Variants in MAF observed in about 807,000 individuals in gnomAD.
MAF encodes the protein transcription factor Maf.
Under a neutral mutation model 22.0 loss-of-function variants are expected in MAF, and 10 were observed. The observed-to-expected ratio is 0.45, with a 90% CI of 0.28 to 0.77. The LOEUF is 0.77. Among genes scored for constraint, MAF ranks in the 30% least tolerant of loss-of-function variants. The probability of loss-of-function intolerance (pLI) is 0.12; values close to 1 mark genes in which losing one functional copy is unlikely to be tolerated. For missense variants in MAF, 544 were observed against 548.4 expected (o/e 0.99, Z 0.08); for synonymous variants, 337 against 255.8 (o/e 1.32, Z -3.03).
the MAF span, among the ~76,000 whole-genome samples, chr16:79,502,530 G>A: frequency 6.6e-6 from 1 of 151,410 alleles, no homozygotes; most frequent in Non-Finnish European, 1.5e-5. Flanking sequence ...GCTGAGCGTG[G>A]TGGTGCACAC....
the MAF span, among the ~76,000 whole-genome samples, chr16:79,438,907 G>A: frequency 4.6e-5 from 7 of 152,196 alleles, no homozygotes; most frequent in African/African-American, 1.7e-4. Context: ...GTCCAGGGAG[G>A]TAGGTAGAAT....
the MAF span, among the ~76,000 whole-genome samples, chr16:79,475,751 G>A: frequency 2.0e-5 from 3 of 152,144 alleles, no homozygotes; most frequent in African/African-American, 7.2e-5. Flanking sequence ...AAGTGGGGGT[G>A]TGGAGTGAAG....
the MAF span, among the ~76,000 whole-genome samples, chr16:79,277,658 C>A: frequency 6.6e-6 from 1 of 152,196 alleles, no homozygotes; most frequent in African/African-American, 2.4e-5. Flanking sequence ...AGGAATTGTA[C>A]AGACACTAGT....
At chr16:79,286,162 TCTTTTAAAATA>T in the MAF span, among the ~76,000 whole-genome samples, 133 of 152,376 alleles carry the variant, frequency 8.7e-4, no homozygotes, top group African/African-American at 2.7e-3. Flanking sequence ...AGCTGGTTTT[TCTTTTAAAATA>T]CTTTTAAAAT....
chr16:79,220,443 T>A, the MAF span, among the ~76,000 whole-genome samples: 1 of 152,044 alleles, frequency 6.6e-6, no homozygotes, highest in African/African-American at 2.4e-5. Flanking sequence ...TTTATATAGT[T>A]GTGATTATAT....
the MAF span, among the ~76,000 whole-genome samples, chr16:79,346,025 G>A: frequency 5.3e-5 from 8 of 151,976 alleles, no homozygotes; most frequent in South Asian, 2.1e-4. Flanking sequence ...TTCTCCGATA[G>A]GGCTCATTCT....
the MAF span, among the ~76,000 whole-genome samples, chr16:79,348,717 G>A: frequency 6.6e-6 from 1 of 152,208 alleles, no homozygotes; most frequent in Non-Finnish European, 1.5e-5. Flanking sequence ...GGGTTTCAGG[G>A]ATAACTGATT....
chr16:79,279,173 G>A, the MAF span, among the ~76,000 whole-genome samples: 4 of 152,072 alleles, frequency 2.6e-5, no homozygotes, highest in African/African-American at 9.7e-5. Context: ...CACGCACATA[G>A]GAAATGGTAG....
the MAF span, among the ~76,000 whole-genome samples, chr16:79,274,185 C>T: frequency 6.6e-6 from 1 of 151,770 alleles, no homozygotes; most frequent in Non-Finnish European, 1.5e-5. Flanking sequence ...AAACCCCTGA[C>T]CTCAGGTGAT....
chr16:79,317,444 C>G, the MAF span, among the ~76,000 whole-genome samples: 1 of 146,242 alleles, frequency 6.8e-6, no homozygotes, highest in East Asian at 2.0e-4. Context: ...CCCTCCCTCC[C>G]TCCCTACTTC....
the MAF span, among the ~76,000 whole-genome samples, chr16:79,381,637 T>A: frequency 6.6e-6 from 1 of 152,194 alleles, no homozygotes; most frequent in Non-Finnish European, 1.5e-5. Context: ...TCACTCTGTC[T>A]GGGGGCCCAT....
chr16:79,223,832 G>C, the MAF span, among the ~76,000 whole-genome samples: 1 of 152,130 alleles, frequency 6.6e-6, no homozygotes, highest in African/African-American at 2.4e-5. Flanking sequence ...TCCCTGAATA[G>C]ACCAATAACA....
chr16:79,332,383 C>T, the MAF span, among the ~76,000 whole-genome samples: 532 of 152,284 alleles, frequency 3.5e-3, 3 homozygotes, highest in African/African-American at 0.012. Flanking sequence ...TCACCGCAAA[C>T]TCCACCTCCT....
the MAF span, among the ~76,000 whole-genome samples, chr16:79,413,215 T>G: frequency 3.6e-4 from 4 of 11,186 alleles, no homozygotes; most frequent in East Asian, 0.011. Context: ...GTGCAGTTTT[T>G]TTTTTTTTTT....
At chr16:79,512,020 G>C in the MAF span, among the ~76,000 whole-genome samples, 1 of 152,190 alleles carries the variant, frequency 6.6e-6, no homozygotes, top group African/African-American at 2.4e-5. Flanking sequence ...CTGACACCCA[G>C]TGCACGAACT....
chr16:79,536,902 T>C, the MAF span, among the ~76,000 whole-genome samples: 1 of 152,196 alleles, frequency 6.6e-6, no homozygotes, highest in Non-Finnish European at 1.5e-5. Flanking sequence ...TGGATTTTGG[T>C]ATGGGAGGGG....
the MAF span, among the ~76,000 whole-genome samples, chr16:79,354,514 G>C: frequency 1.3e-5 from 2 of 152,196 alleles, no homozygotes; most frequent in African/African-American, 4.8e-5. Context: ...GGGAGAATGG[G>C]TGAGATTTGA....
chr16:79,248,975 C>G, the MAF span, among the ~76,000 whole-genome samples: 10 of 152,108 alleles, frequency 6.6e-5, no homozygotes, highest in African/African-American at 2.4e-4. Context: ...ACTCAGAATG[C>G]ACTTAACCCC....
the MAF span, among the ~76,000 whole-genome samples, chr16:79,359,328 C>T: frequency 6.6e-6 from 1 of 152,100 alleles, no homozygotes; most frequent in Non-Finnish European, 1.5e-5. Context: ...TTTACAGAGG[C>T]GTTTGCTAAT....
Sources: gnomAD v4.1 joint callset for allele counts (sites outside exome capture counted in the v4.1 genomes callset) on GRCh38, gnomAD v4.1.1 for gene constraint, MANE v1.5 for transcripts, NCBI Gene and HGNC (gene_info 2026-07-23, HGNC 2026-07-21) for gene names.